OR56A3: variants seen among roughly 807,000 people sequenced by gnomAD.
OR56A3 encodes olfactory receptor family 56 subfamily A member 3.
In OR56A3, 23 loss-of-function variants were observed where a neutral mutation model predicts 17.5. The observed-to-expected ratio is 1.32, with a 90% CI of 0.95 to 1.87. The LOEUF is 1.87. Among genes scored for constraint, OR56A3 ranks in the 40% most tolerant of loss-of-function variants. OR56A3 has a pLI of 0.00. For missense variants in OR56A3, 366 were observed against 380.1 expected (o/e 0.96, Z 0.31); for synonymous variants, 175 against 150.6 (o/e 1.16, Z -1.19).
downstream of OR56A3, among the ~76,000 whole-genome samples, chr11:5,954,276 T>C (rs191899247): frequency 8.8e-4 from 134 of 152,332 alleles, 1 homozygote; most frequent in African/African-American, 3.1e-3. Flanking sequence ...TGTGCCTTTT[T>C]ATCTCTCTTG....
At chr11:5,984,999 T>C in the OR56A3 span, among the ~76,000 whole-genome samples, 1 of 152,024 alleles carries the variant, frequency 6.6e-6, no homozygotes, top group Non-Finnish European at 1.5e-5. Context: ...TTTTAAGTTT[T>C]CACCCAGTTC....
chr11:6,002,113 C>T, the OR56A3 span: 1 of 1,613,118 alleles, frequency 6.2e-7, no homozygotes, highest in East Asian at 2.2e-5. Flanking sequence ...ACACCATAAA[C>T]AATGGGGTTC....
chr11:5,960,467 G>A, the OR56A3 span, among the ~76,000 whole-genome samples: 1 of 152,218 alleles, frequency 6.6e-6, no homozygotes, highest in African/African-American at 2.4e-5. Flanking sequence ...CGCCCTGTTG[G>A]CCGGGCTGGT....
the OR56A3 span, among the ~76,000 whole-genome samples, chr11:6,011,674 G>A: frequency 6.6e-6 from 1 of 152,152 alleles, no homozygotes; most frequent in Non-Finnish European, 1.5e-5. Context: ...TTTTGCCTGG[G>A]CCCACTCGGC....
the OR56A3 span, among the ~76,000 whole-genome samples, chr11:5,996,316 G>C: frequency 6.6e-6 from 1 of 152,106 alleles, no homozygotes; most frequent in Non-Finnish European, 1.5e-5. Context: ...TTTCTTAGTA[G>C]ACTGGTCTTT....
chr11:6,016,691 A>G, the OR56A3 span, among the ~76,000 whole-genome samples: 4 of 152,092 alleles, frequency 2.6e-5, no homozygotes, highest in Non-Finnish European at 5.9e-5. Context: ...AAATGCCTGA[A>G]AAAGAATTTC....
chr11:5,985,988 G>A, the OR56A3 span: 1 of 1,612,268 alleles, frequency 6.2e-7, no homozygotes, highest in Non-Finnish European at 8.5e-7. Context: ...CGGATCTGCT[G>A]AGTCTTCACT....
Position 5,948,392 on chromosome 11 carries a change from A to C in OR56A3, c.*98A>C. 2 of 774,740 alleles carry C rather than the reference A, an allele frequency of 2.6e-6. No individual in the cohort carries two copies. The highest frequency in any genetic ancestry group is 4.2e-6 in the Non-Finnish European group (2 of 474,682). 48.0% of individuals were successfully genotyped at this position (774,740 alleles called of 1,614,324 possible). Reference sequence around the variant, plus strand: ...ATTCATATCTGTGACTTATAACCTCAAACTGGGTACACTAGATATTGTGTG... The same window carrying C: ...ATTCATATCTGTGACTTATAACCTCCAACTGGGTACACTAGATATTGTGTG... On this transcript the variant is annotated 3_prime_UTR_variant, in exon 3 of 3. Transcript: ENST00000641160.
chr11:5,972,145 G>C, the OR56A3 span, among the ~76,000 whole-genome samples: 4 of 152,186 alleles, frequency 2.6e-5, no homozygotes, highest in Admixed American at 1.3e-4. Context: ...AACTCAAAAT[G>C]CTGTCCCAGA....
the OR56A3 span, among the ~76,000 whole-genome samples, chr11:5,993,482 T>C: frequency 2.0e-4 from 30 of 152,176 alleles, 1 homozygote; most frequent in Admixed American, 6.5e-5. Flanking sequence ...TAATGAGTGT[T>C]GGACCCTCCT....
At chr11:5,953,209 C>T (rs1350368319), downstream of OR56A3, among the ~76,000 whole-genome samples, 1 of 152,176 alleles carries the variant, frequency 6.6e-6, no homozygotes, top group African/African-American at 2.4e-5. Flanking sequence ...CTGTTTTAAG[C>T]TCTTTAAGAA....
the OR56A3 span, chr11:5,986,129 C>T: frequency 8.1e-6 from 13 of 1,613,778 alleles, no homozygotes; most frequent in Admixed American, 1.8e-4. Context: ...ACATAGAAGA[C>T]CAGGATGACA....
At chr11:6,015,960 T>G in the OR56A3 span, among the ~76,000 whole-genome samples, 7 of 152,190 alleles carry the variant, frequency 4.6e-5, no homozygotes, top group African/African-American at 1.4e-4. Context: ...ACATGAGATT[T>G]GCAAGGGGCC....
chr11:5,962,906 A>G, the OR56A3 span, among the ~76,000 whole-genome samples: 15 of 151,860 alleles, frequency 9.9e-5, no homozygotes, highest in South Asian at 1.5e-3. Flanking sequence ...AACATTTTCT[A>G]TTTCTTCATA....
the OR56A3 span, among the ~76,000 whole-genome samples, chr11:6,010,655 A>C: frequency 2.0e-5 from 3 of 152,184 alleles, no homozygotes; most frequent in Non-Finnish European, 2.9e-5. Context: ...TTTGCAGATT[A>C]CCCAGCCTCA....
the OR56A3 span, chr11:6,002,585 C>T: frequency 1.7e-5 from 28 of 1,614,184 alleles, no homozygotes; most frequent in East Asian, 8.9e-5. Flanking sequence ...TGATGATAGA[C>T]GGGTATCTCA....
At chr11:5,970,991 A>C in the OR56A3 span, among the ~76,000 whole-genome samples, 1 of 152,200 alleles carries the variant, frequency 6.6e-6, no homozygotes, top group Non-Finnish European at 1.5e-5. Context: ...AAACAAAGGG[A>C]ACTGATGTGG....
At chr11:5,956,263 C>A (rs1018328774), downstream of OR56A3, among the ~76,000 whole-genome samples, 1 of 152,094 alleles carries the variant, frequency 6.6e-6, no homozygotes, top group Admixed American at 6.5e-5. Context: ...AGAAATAACT[C>A]TAAGAACAGA....
At position 5,950,706 on chromosome 11, in the gene OR56A3, G is replaced by C. The variant is rs1160599957; in HGVS notation, c.*2412G>C. ...TCATTTCAACACATAACAAATACAA[G>C]ATAATCATTAATGTGATATTGCACA... On this transcript the variant is annotated 3_prime_UTR_variant, in exon 3 of 3. Transcript: ENST00000641160. The C allele has an allele frequency of 6.6e-6, 1 of 152,006 alleles. No individual in the cohort carries two copies. The highest frequency in any genetic ancestry group is 1.5e-5 in the Non-Finnish European group (1 of 67,962). The allele number at this position is 152,006 out of a possible 1,614,324, so 9.4% of individuals were successfully genotyped here. A position where few individuals can be genotyped will look rare whatever the true frequency, so the allele number is the denominator to read the frequency against.
Sources: allele counts gnomAD v4.1 joint callset (sites outside exome capture counted in the v4.1 genomes callset), GRCh38; gene constraint gnomAD v4.1.1; transcripts MANE v1.5; gene names NCBI Gene and HGNC (gene_info 2026-07-23, HGNC 2026-07-21).